The following ADCY2 variants were observed in gnomAD, a reference collection of about 807,000 sequenced individuals.
The protein encoded by ADCY2 is adenylate cyclase type 2.
A neutral mutation model predicts 125.2 loss-of-function variants in ADCY2; 31 were observed. The observed-to-expected ratio is 0.25, with a 90% CI of 0.19 to 0.33. The LOEUF (loss-of-function observed/expected upper bound fraction) is 0.33, where lower values mean the gene tolerates loss of function less well. Among genes scored for constraint, ADCY2 ranks in the 10% least tolerant of loss-of-function variants. The pLI, the probability that ADCY2 is intolerant of heterozygous loss-of-function variation, is 1.00. For synonymous variants in ADCY2, 512 were observed against 548.4 expected (o/e 0.93, Z 0.93); for missense variants, 904 against 1,418.2 (o/e 0.64, Z 5.82).
At chr5:7,801,940 G>T in intron 20 of ADCY2, 1 of 331,788 alleles carries the variant, frequency 3.0e-6, no homozygotes, top group Non-Finnish European at 5.5e-6. Context: ...CCAGAACTCC[G>T]TGGTCTGTTG....
intron 18 of ADCY2, among the ~76,000 whole-genome samples, chr5:7,774,757 T>C (rs947777334): frequency 4.6e-5 from 7 of 152,228 alleles, no homozygotes; most frequent in Admixed American, 2.0e-4. Flanking sequence ...GGAGACTGAC[T>C]TGAGAAGCCT....
chr5:7,453,742 T>A (rs1461261583), intron 2 of ADCY2, among the ~76,000 whole-genome samples: 1 of 152,134 alleles, frequency 6.6e-6, no homozygotes, highest in Non-Finnish European at 1.5e-5. Flanking sequence ...CCCCTGATTC[T>A]TCCCTTGGTG....
chr5:7,775,364 A>G (rs932486957), intron 18 of ADCY2, among the ~76,000 whole-genome samples: 3 of 151,882 alleles, frequency 2.0e-5, no homozygotes, highest in African/African-American at 7.3e-5. Flanking sequence ...TACAGGCATG[A>G]GCCACAGCGC....
chr5:7,742,280 T>G (rs1257668818), intron 14 of ADCY2, among the ~76,000 whole-genome samples: 1 of 152,078 alleles, frequency 6.6e-6, no homozygotes, highest in African/African-American at 2.4e-5. Flanking sequence ...CTGGCACTCC[T>G]CCCGCTGCTG....
At chr5:7,457,221 A>C (rs1439907044) in intron 2 of ADCY2, among the ~76,000 whole-genome samples, 3 of 152,204 alleles carry the variant, frequency 2.0e-5, no homozygotes, top group African/African-American at 7.2e-5. Context: ...GAGGTTTTGG[A>C]TGAAAACCTG....
chr5:7,536,350 C>T (rs1734811874), intron 3 of ADCY2, among the ~76,000 whole-genome samples: 1 of 152,070 alleles, frequency 6.6e-6, no homozygotes, highest in African/African-American at 2.4e-5. Context: ...AGATGATAGT[C>T]GTTTAGACAG....
chr5:7,624,484 G>A (rs1213007085), intron 3 of ADCY2, among the ~76,000 whole-genome samples: 1 of 152,194 alleles, frequency 6.6e-6, no homozygotes, highest in Non-Finnish European at 1.5e-5. Flanking sequence ...GCAGGACATG[G>A]AGATGACCAC....
intron 16 of ADCY2, among the ~76,000 whole-genome samples, chr5:7,762,065 G>A (rs1743238224): frequency 6.6e-6 from 1 of 152,182 alleles, no homozygotes. Context: ...TGTAGCAGTA[G>A]GAGCAGGAAA....
chr5:7,726,348 G>T (rs1560910144), intron 13 of ADCY2, among the ~76,000 whole-genome samples: 1 of 152,170 alleles, frequency 6.6e-6, no homozygotes, highest in African/African-American at 2.4e-5. Context: ...CCAGTCCACA[G>T]TTTCTTCATC....
intron 12 of ADCY2, among the ~76,000 whole-genome samples, chr5:7,722,577 T>C (rs985479234): frequency 6.6e-6 from 1 of 152,124 alleles, no homozygotes; most frequent in Non-Finnish European, 1.5e-5. Context: ...ATAATAGTTC[T>C]GCAGCTGGTA....
intron 4 of ADCY2, among the ~76,000 whole-genome samples, chr5:7,665,194 TTTACAGAG>T (rs1296551633): frequency 6.6e-6 from 1 of 152,152 alleles, no homozygotes; most frequent in African/African-American, 2.4e-5. Flanking sequence ...CTTCAAATAT[TTTACAGAG>T]TTTGACTCTT....
chr5:7,681,526 A>G (rs1442670671), intron 4 of ADCY2, among the ~76,000 whole-genome samples: 1 of 152,196 alleles, frequency 6.6e-6, no homozygotes, highest in Non-Finnish European at 1.5e-5. Context: ...TTCAGGATTC[A>G]GTCATGTGTT....
At chr5:7,489,161 C>T (rs558961723) in intron 2 of ADCY2, among the ~76,000 whole-genome samples, 1 of 152,148 alleles carries the variant, frequency 6.6e-6, no homozygotes, top group Admixed American at 6.5e-5. Context: ...TGGATACCCC[C>T]CTTTGCTGCA....
intron 3 of ADCY2, among the ~76,000 whole-genome samples, chr5:7,618,135 TATC>T (rs1737825088): frequency 6.6e-6 from 1 of 152,184 alleles, no homozygotes; most frequent in Admixed American, 6.5e-5. Flanking sequence ...TGCTTACTAA[TATC>T]ATGTTTAAAT....
Position 7,827,698 on chromosome 5 carries a change from C to G in ADCY2, c.*827C>G, listed in dbSNP as rs574859780. On this transcript the variant is annotated 3_prime_UTR_variant, in exon 25 of 25. Coordinates refer to ENST00000338316, the MANE Select transcript of ADCY2 (RefSeq NM_020546.3). ...ATTCAGATTAGGACACAGTGTGTGA[C>G]GCAGATAACTGGTTACTCAGCTCCC... The G allele has an allele frequency of 2.6e-5, 4 of 152,236 alleles. No individual in the cohort carries two copies. In the East Asian group the frequency reaches 5.6e-4, roughly 21 times the overall value. 9.4% of individuals were successfully genotyped at this position (152,236 alleles called of 1,614,324 possible). A position where few individuals can be genotyped will look rare whatever the true frequency, so the allele number is the denominator to read the frequency against.
chr5:7,773,200 C>A, intron 18 of ADCY2, 99 bp downstream of exon 18: 1 of 1,250,134 alleles, frequency 8.0e-7, no homozygotes, highest in South Asian at 1.5e-5. Context: ...ATGTCATTGT[C>A]ATTGATAAAT....
rs571993874 is a variant in ADCY2, at chr5:7,438,072, CCTTTTGTGTGGTAGCCTGG to C, written c.408+23305_408+23323del. On this transcript the variant is annotated intron_variant, in intron 2 of 24. Transcript: ENST00000338316. ...TCACTGATTACAATCTATTTATTTC[CCTTTTGTGTGGTAGCCTGG>C]CTGGCTAGAGGCATTTCTTACATTG... Among the ~76,000 whole-genome samples, 34 of 152,204 alleles carry C rather than the reference CCTTTTGTGTGGTAGCCTGG, an allele frequency of 2.2e-4. No individual in the cohort carries two copies. In the East Asian group the frequency reaches 2.3e-3, roughly 10 times the overall value.
chr5:7,768,154 G>C (rs954203065), intron 17 of ADCY2, among the ~76,000 whole-genome samples: 2 of 152,228 alleles, frequency 1.3e-5, no homozygotes, highest in Admixed American at 1.3e-4. Context: ...TGGGAAGAGG[G>C]GGGTGCTATA....
intron 7 of ADCY2, among the ~76,000 whole-genome samples, chr5:7,700,158 T>A (rs1193479175): frequency 6.6e-6 from 1 of 152,214 alleles, no homozygotes; most frequent in Non-Finnish European, 1.5e-5. Flanking sequence ...TCAAAAATGC[T>A]CAGCTCTGTG....
Sources: gnomAD v4.1 joint callset for allele counts (sites outside exome capture counted in the v4.1 genomes callset) on GRCh38, gnomAD v4.1.1 for gene constraint, MANE v1.5 for transcripts, NCBI Gene and HGNC (gene_info 2026-07-23, HGNC 2026-07-21) for gene names.